The following LIN28B variants were observed in gnomAD, a reference collection of about 807,000 sequenced individuals.
The protein encoded by LIN28B is protein lin-28 homolog B.
A neutral mutation model predicts 21.9 loss-of-function variants in LIN28B; 5 were observed. The observed-to-expected ratio is 0.23, with a 90% CI of 0.12 to 0.48. The LOEUF (loss-of-function observed/expected upper bound fraction) is 0.48, where lower values mean the gene tolerates loss of function less well. Among genes scored for constraint, LIN28B ranks in the 20% least tolerant of loss-of-function variants. The pLI, the probability that LIN28B is intolerant of heterozygous loss-of-function variation, is 0.98. For synonymous variants in LIN28B, 109 were observed against 111.3 expected (o/e 0.98, Z 0.13); for missense variants, 245 against 310.5 (o/e 0.79, Z 1.58).
chr6:104,977,386 A>G (rs1770121916), intron 2 of LIN28B, among the ~76,000 whole-genome samples: 1 of 152,224 alleles, frequency 6.6e-6, no homozygotes, highest in African/African-American at 2.4e-5. Flanking sequence ...CTTTCTAGCC[A>G]GAATTGCTTA....
At chr6:104,947,039 T>A (rs1185624907) in intron 2 of LIN28B, among the ~76,000 whole-genome samples, 3 of 152,184 alleles carry the variant, frequency 2.0e-5, no homozygotes, top group Non-Finnish European at 4.4e-5. Flanking sequence ...TGATGTGAAT[T>A]GAAATAAAAT....
rs984518082 is a variant in LIN28B at position 105,082,133 on chromosome 6, G to C, written c.*3350G>C. 1 of 152,546 alleles carries C rather than the reference G, an allele frequency of 6.6e-6. No homozygotes were observed. The highest frequency in any genetic ancestry group is 2.4e-5 in the African/African-American group (1 of 41,426). The allele number at this position is 152,546 out of a possible 1,614,324, so 9.4% of individuals were successfully genotyped here. A position where few individuals can be genotyped will look rare whatever the true frequency, so the allele number is the denominator to read the frequency against. On this transcript the variant is annotated 3_prime_UTR_variant, in exon 4 of 4. Coordinates refer to ENST00000345080, the MANE Select transcript of LIN28B (RefSeq NM_001004317.4). Reference sequence around the variant, plus strand: ...ATAATGAAAACATTTTTATACTTGGGTTTCTAGTCTTCACTAGAAGGCCTT... The same window carrying C: ...ATAATGAAAACATTTTTATACTTGGCTTTCTAGTCTTCACTAGAAGGCCTT...
intron 1 of LIN28B, among the ~76,000 whole-genome samples, chr6:104,957,578 C>G (rs1471965751): frequency 6.6e-6 from 1 of 152,144 alleles, no homozygotes; most frequent in Non-Finnish European, 1.5e-5. Context: ...CCCCCTCCCC[C>G]ATTCCACCCC....
At chr6:105,059,668 T>TTATA (rs1158442156) in intron 3 of LIN28B, among the ~76,000 whole-genome samples, 1 of 152,182 alleles carries the variant, frequency 6.6e-6, no homozygotes, top group Non-Finnish European at 1.5e-5. Context: ...TAGAGTTACA[T>TTATA]TATAGCTCAG....
At chr6:104,969,357 C>CAG (rs1433751645) in intron 2 of LIN28B, among the ~76,000 whole-genome samples, 3 of 152,148 alleles carry the variant, frequency 2.0e-5, no homozygotes, top group African/African-American at 4.8e-5. Flanking sequence ...GATCAAGCCA[C>CAG]AGAAGCCAGG....
At chr6:104,957,309 T>C (rs1778303885) in intron 1 of LIN28B, 49 bp downstream of exon 1, 4 of 1,358,220 alleles carry the variant, frequency 2.9e-6, no homozygotes, top group Non-Finnish European at 4.2e-6. Context: ...TCTTCTTTTC[T>C]CCTCCCCCTC....
chr6:104,990,618 T>G lies in LIN28B; in HGVS notation c.198+32332T>G, dbSNP rs1770444122. On this transcript the variant is annotated intron_variant, in intron 2 of 3. Transcript: ENST00000345080. ...CTTGGGTGTTTCTCGCAGAGGGGGA[T>G]TTGGCAGGGTCATAGGACAATAGTG... 2.6e-5 allele frequency among the ~76,000 whole-genome samples: 4 copies of G among 151,732 alleles called. No individual in the cohort carries two copies. The South Asian group carries it at 8.4e-4, about 32-fold the overall frequency.
intron 2 of LIN28B, among the ~76,000 whole-genome samples, chr6:104,979,921 A>G (rs746685101): frequency 1.3e-5 from 2 of 152,204 alleles, no homozygotes; most frequent in Admixed American, 6.5e-5. Flanking sequence ...ATTATTTTTA[A>G]AAATTTAAGT....
At chr6:105,027,722 C>A (rs1241648267) in intron 3 of LIN28B, among the ~76,000 whole-genome samples, 6 of 151,906 alleles carry the variant, frequency 3.9e-5, no homozygotes, top group Non-Finnish European at 7.4e-5. Flanking sequence ...ATGCTATATT[C>A]ATTTATGTTT....
chr6:105,015,961 A>C (rs1171305946), intron 2 of LIN28B, among the ~76,000 whole-genome samples: 3 of 152,234 alleles, frequency 2.0e-5, no homozygotes, highest in Non-Finnish European at 2.9e-5. Context: ...GATAGTGTAC[A>C]TAGATGTACT....
At chr6:104,945,178 TTA>T (rs1778142064) in intron 2 of LIN28B, among the ~76,000 whole-genome samples, 1 of 152,100 alleles carries the variant, frequency 6.6e-6, no homozygotes, top group Non-Finnish European at 1.5e-5. Flanking sequence ...AATCTGTAAA[TTA>T]TGTGTTATCT....
At chr6:105,016,361 C>A (rs1360796457) in intron 2 of LIN28B, among the ~76,000 whole-genome samples, 2 of 152,144 alleles carry the variant, frequency 1.3e-5, no homozygotes, top group Non-Finnish European at 2.9e-5. Flanking sequence ...AAAAGGTGAG[C>A]ATGGGTTGAG....
intron 3 of LIN28B, among the ~76,000 whole-genome samples, chr6:105,077,822 C>G (rs921202531): frequency 2.0e-5 from 3 of 152,140 alleles, no homozygotes; most frequent in Non-Finnish European, 4.4e-5. Context: ...TGACTAGACT[C>G]TGACTTTCTT....
intron 3 of LIN28B, among the ~76,000 whole-genome samples, chr6:105,077,752 G>T (rs1181898640): frequency 6.6e-6 from 1 of 152,112 alleles, no homozygotes; most frequent in Non-Finnish European, 1.5e-5. Context: ...TTCTGATTCA[G>T]ACATTTACTC....
chr6:104,975,634 C>T (rs954112364), intron 2 of LIN28B, among the ~76,000 whole-genome samples: 5 of 151,878 alleles, frequency 3.3e-5, no homozygotes, highest in African/African-American at 1.2e-4. Flanking sequence ...CTTGCATGTG[C>T]CAAGTACTGT....
intron 3 of LIN28B, among the ~76,000 whole-genome samples, chr6:105,040,385 A>G (rs1197516034): frequency 1.3e-5 from 2 of 152,080 alleles, no homozygotes; most frequent in African/African-American, 4.8e-5. Context: ...ATTGCTGTAT[A>G]GTTTAACATA....
intron 3 of LIN28B, among the ~76,000 whole-genome samples, chr6:105,046,989 T>A (rs1490665359): frequency 6.6e-6 from 1 of 152,220 alleles, no homozygotes. Context: ...CTGATGGTAG[T>A]TTCTTTTGCT....
intron 3 of LIN28B, among the ~76,000 whole-genome samples, chr6:105,039,757 A>T (rs1171442402): frequency 6.6e-6 from 1 of 152,062 alleles, no homozygotes; most frequent in Non-Finnish European, 1.5e-5. Flanking sequence ...ATTTTTAGGT[A>T]TTGTAGTTTT....
chr6:105,074,207 C>CT (rs745542338), intron 3 of LIN28B, among the ~76,000 whole-genome samples: 1 of 151,854 alleles, frequency 6.6e-6, no homozygotes, highest in African/African-American at 2.4e-5. Context: ...AAAATCTTTT[C>CT]TTTTTTTTGA....
Sources: allele counts gnomAD v4.1 joint callset (sites outside exome capture counted in the v4.1 genomes callset), GRCh38; gene constraint gnomAD v4.1.1; transcripts MANE v1.5; gene names NCBI Gene and HGNC (gene_info 2026-07-23, HGNC 2026-07-21).